SLC37A3: variants seen among roughly 807,000 people sequenced by gnomAD.
SLC37A3 encodes solute carrier family 37 member 3, also known as sugar phosphate exchanger 3.
A neutral mutation model predicts 67.1 loss-of-function variants in SLC37A3; 51 were observed. The observed-to-expected ratio is 0.76, with a 90% CI of 0.61 to 0.96. The LOEUF is 0.96. Among genes scored for constraint, SLC37A3 ranks in the 40% least tolerant of loss-of-function variants. SLC37A3 has a pLI of 0.00. For synonymous variants in SLC37A3, 214 were observed against 231.4 expected, an observed-to-expected ratio of 0.92 and a Z score of 0.68; for missense variants, 508 against 603.0, an observed-to-expected ratio of 0.84 and a Z score of 1.65.
chr7:140,393,115 A>C (rs760778738), intron 1 of SLC37A3, among the ~76,000 whole-genome samples: 10 of 151,940 alleles, frequency 6.6e-5, no homozygotes, highest in Non-Finnish European at 8.8e-5. Context: ...AAAGGATACA[A>C]CTTCCTCCTG....
chr7:140,350,270 A>G (rs1459648647), intron 9 of SLC37A3, among the ~76,000 whole-genome samples: 1 of 152,204 alleles, frequency 6.6e-6, no homozygotes, highest in African/African-American at 2.4e-5. Flanking sequence ...TGTCACAGAA[A>G]GTTAGTGGGT....
At position 140,355,361 on chromosome 7, in the gene SLC37A3, G is replaced by A. The variant is rs374755268; in HGVS notation, c.618+307C>T. Among the ~76,000 whole-genome samples, 90 of 152,166 alleles carry A rather than the reference G, an allele frequency of 5.9e-4. 1 individual carries two copies. In the East Asian group the frequency reaches 0.015, roughly 25 times the overall value. ...AGAGTAGCTGGGATTATAGGCATGC[G>A]CCACCACACCCAGCTAATTTTTGTA... is the stretch of plus-strand genomic sequence containing the variant. On this transcript the variant is annotated intron_variant, in intron 7 of 14. Coordinates refer to ENST00000326232, the MANE Select transcript of SLC37A3 (RefSeq NM_207113.3).
intron 1 of SLC37A3, among the ~76,000 whole-genome samples, chr7:140,387,652 TTATATAAATATAAATATATTA>T: frequency 8.5e-6 from 1 of 116,974 alleles, no homozygotes; most frequent in African/African-American, 3.3e-5. Context: ...AATATATATA[TTATATAAATATAAATATATTA>T]TATATAAATA....
rs377535045 is a variant in SLC37A3 at position 140,396,847 on chromosome 7, C to T, written c.-71+1569G>A. ...AGCCAGGTATGGAATCTAAGACCCTCCACTTAAAAGTAGCTTCTCTGAATC... is the reference window on the plus strand; with the variant it reads ...AGCCAGGTATGGAATCTAAGACCCTTCACTTAAAAGTAGCTTCTCTGAATC... On this transcript the variant is annotated intron_variant, in intron 1 of 14. Transcript: ENST00000326232. Among the ~76,000 whole-genome samples, 222 of 151,874 alleles carry T rather than the reference C, an allele frequency of 1.5e-3. 1 individual carries two copies. Among genetic ancestry groups the T allele is most frequent in the African/African-American group, 5.2e-3 (215 of 41,428 alleles).
At chr7:140,381,503 C>T (rs1042504341) in intron 2 of SLC37A3, among the ~76,000 whole-genome samples, 32 of 151,610 alleles carry the variant, frequency 2.1e-4, no homozygotes, top group Admixed American at 3.3e-4. Flanking sequence ...CCAGTCTGGG[C>T]GACAGGGTGA....
chr7:140,366,899 CCGAGGT>C (rs1379921700), intron 4 of SLC37A3, among the ~76,000 whole-genome samples: 1 of 152,126 alleles, frequency 6.6e-6, no homozygotes, highest in Non-Finnish European at 1.5e-5. Flanking sequence ...CTTTGGAAGG[CCGAGGT>C]GGGCGGATCA....
chr7:140,357,291 G>A lies in SLC37A3; in HGVS notation c.521+1349C>T, dbSNP rs1029503837. ...TCTACCCCTAGATATTTACCCAAGA[G>A]AAATGAAAGCATATGTCCACACAAG... On this transcript the variant is annotated intron_variant, in intron 6 of 14. Coordinates refer to ENST00000326232, the MANE Select transcript of SLC37A3 (RefSeq NM_207113.3). Among the ~76,000 whole-genome samples the A allele has an allele frequency of 3.3e-5, 5 of 152,106 alleles. No individual in the cohort carries two copies. In the East Asian group the frequency reaches 9.6e-4, roughly 29 times the overall value.
At chr7:140,384,645 G>A (rs1045535112) in intron 1 of SLC37A3, among the ~76,000 whole-genome samples, 1 of 152,074 alleles carries the variant, frequency 6.6e-6, no homozygotes, top group Non-Finnish European at 1.5e-5. Flanking sequence ...CTTGAGCCCA[G>A]GGGTTCAAGG....
intron 4 of SLC37A3, among the ~76,000 whole-genome samples, chr7:140,366,517 T>C (rs1797608480): frequency 6.6e-6 from 1 of 152,086 alleles, no homozygotes; most frequent in African/African-American, 2.4e-5. Flanking sequence ...TTTCATGGCA[T>C]TGATCCTTTA....
rs1467356034 is a variant in SLC37A3, at chr7:140,384,614, G to C, written c.-70-2018C>G. ...CATGTCTATGGTCCCAGCTACTCAGGAGGCTAAGGCAGGAGGATTGCTTGA... is the reference window on the plus strand; with the variant it reads ...CATGTCTATGGTCCCAGCTACTCAGCAGGCTAAGGCAGGAGGATTGCTTGA... On this transcript the variant is annotated intron_variant, in intron 1 of 14. Transcript: ENST00000326232. 3.9e-5 allele frequency among the ~76,000 whole-genome samples: 6 copies of C among 152,026 alleles called. No homozygotes were observed. In the East Asian group the frequency reaches 1.2e-3, roughly 29 times the overall value.
intron 3 of SLC37A3, among the ~76,000 whole-genome samples, chr7:140,369,890 C>T (rs1797752357): frequency 6.6e-6 from 1 of 152,204 alleles, no homozygotes; most frequent in South Asian, 2.1e-4. Context: ...GAGGGCAGAT[C>T]ACCTGATATC....
chr7:140,364,296 G>C (rs1797509861), intron 5 of SLC37A3, 112 bp downstream of exon 5: 2 of 980,336 alleles, frequency 2.0e-6, no homozygotes. Context: ...GCAAATGAGG[G>C]ATTCGAACAA....
intron 12 of SLC37A3, 41 bp downstream of exon 12, chr7:140,345,175 A>G (rs1052475351): frequency 1.3e-6 from 2 of 1,569,926 alleles, no homozygotes; most frequent in Admixed American, 1.7e-5. Context: ...CTGAATTTAC[A>G]GAGCAACAGA....
chr7:140,387,840 A>ATATAT (rs1798558124), intron 1 of SLC37A3, among the ~76,000 whole-genome samples: 1 of 101,184 alleles, frequency 9.9e-6, no homozygotes, highest in African/African-American at 3.7e-5. Flanking sequence ...ATTATATATA[A>ATATAT]ACATATATAT....
chr7:140,362,763 CG>C, intron 5 of SLC37A3, among the ~76,000 whole-genome samples: 1 of 91,180 alleles, frequency 1.1e-5, no homozygotes, highest in Non-Finnish European at 2.4e-5. Context: ...CCGCCCCGTC[CG>C]GGAGGGAGGT....
intron 5 of SLC37A3, among the ~76,000 whole-genome samples, chr7:140,361,563 C>CCA (rs1468899866): frequency 7.4e-6 from 1 of 134,954 alleles, no homozygotes; most frequent in Non-Finnish European, 1.6e-5. Flanking sequence ...CCCTCTCTCT[C>CCA]CACGGTCTCC....
In SLC37A3 at chr7:140,335,167, G is replaced by A; in HGVS notation, c.*245C>T. On this transcript the variant is annotated 3_prime_UTR_variant, in exon 15 of 15. Transcript: ENST00000326232. ...GAGTCAGAGGTCAAAGATGCTGGCA[G>A]AGTCAGAAGTCACTCGGCACATTCA... 6.6e-7 allele frequency: 1 copy of A among 1,510,560 alleles called. No individual in the cohort carries two copies. The highest frequency in any genetic ancestry group is 9.0e-7 in the Non-Finnish European group (1 of 1,111,478). 93.6% of individuals were successfully genotyped at this position (1,510,560 alleles called of 1,614,324 possible). A position where few individuals can be genotyped will look rare whatever the true frequency, so the allele number is the denominator to read the frequency against.
chr7:140,353,438 T>C (rs560433341), intron 7 of SLC37A3, among the ~76,000 whole-genome samples: 11 of 151,500 alleles, frequency 7.3e-5, no homozygotes, highest in Admixed American at 5.9e-4. Context: ...GATCACGCCA[T>C]TGCACTCCAG....
chr7:140,392,154 A>T (rs1001143316), intron 1 of SLC37A3, among the ~76,000 whole-genome samples: 2 of 152,064 alleles, frequency 1.3e-5, no homozygotes, highest in African/African-American at 4.8e-5. Flanking sequence ...GACAGCATCT[A>T]AGCAGGAAGA....
Sources: gnomAD v4.1 joint callset for allele counts (sites outside exome capture counted in the v4.1 genomes callset) on GRCh38, gnomAD v4.1.1 for gene constraint, MANE v1.5 for transcripts, NCBI Gene and HGNC (gene_info 2026-07-23, HGNC 2026-07-21) for gene names.